Variants in KYAT3 observed in about 807,000 individuals in gnomAD.
KYAT3 encodes kynurenine aminotransferase 3.
KYAT3 carries 50 observed loss-of-function variants against 59.0 expected under a neutral mutation model. The observed-to-expected ratio is 0.85, with a 90% CI of 0.68 to 1.07. The LOEUF (loss-of-function observed/expected upper bound fraction) is 1.07, where lower values mean the gene tolerates loss of function less well. Among genes scored for constraint, KYAT3 ranks in the 50% least tolerant of loss-of-function variants. KYAT3 has a pLI of 0.00. For synonymous variants in KYAT3, 148 were observed against 177.0 expected, an observed-to-expected ratio of 0.84 and a Z score of 1.30; for missense variants, 497 against 533.3, an observed-to-expected ratio of 0.93 and a Z score of 0.67.
At chr1:88,983,789 C>G in intron 2 of KYAT3, 1 of 1,613,984 alleles carries the variant, frequency 6.2e-7, no homozygotes, top group Non-Finnish European at 8.5e-7. Flanking sequence ...ATTAAGCCCA[C>G]CAATGAAGAG....
rs750023345 is a variant in KYAT3, at chr1:88,982,997, C to T, written c.99+5255G>A. On this transcript the variant is annotated intron_variant, in intron 2 of 13. Transcript: ENST00000260508. Reference sequence around the variant, plus strand: ...ATATGAATCTCTGTAGGAACCTCCACTTGGATGATCTGAATAGTCACGATC... The same window carrying T: ...ATATGAATCTCTGTAGGAACCTCCATTTGGATGATCTGAATAGTCACGATC... 6.8e-6 allele frequency: 11 copies of T among 1,613,180 alleles called. No homozygotes were observed. In the African/African-American group the frequency reaches 1.1e-4, roughly 16 times the overall value.
chr1:88,976,605 C>G (rs1676798118), intron 2 of KYAT3, among the ~76,000 whole-genome samples: 1 of 152,078 alleles, frequency 6.6e-6, no homozygotes, highest in Admixed American at 6.5e-5. Flanking sequence ...TGTACCCTTA[C>G]TTATTAAAAA....
In KYAT3 at chr1:88,949,238, T is replaced by G. The variant is rs527950397; in HGVS notation, c.994A>C (p.Met332Leu). 6 of 1,587,310 alleles carry G rather than the reference T, an allele frequency of 3.8e-6. No homozygotes were observed. In the South Asian group the frequency reaches 5.9e-5, roughly 15 times the overall value. The change falls in exon 11 of 14, where the codon ATG (methionine) becomes CTG (leucine). Residue 332 changes from methionine (M) to leucine (L), a missense_variant. Physicochemically the swap from Met to Leu is conservative, Grantham distance 15 (BLOSUM62 2). Coordinates refer to ENST00000260508, the MANE Select transcript of KYAT3 (RefSeq NM_001008661.3). ...TTAAAGTAACATTCTGGGTCATCCA[T>G]GCGCTTGATGTCAATCCAGAAAGCT... ...AQAFWIDIKR[M>L]DDPECYFNSL...
downstream of KYAT3, among the ~76,000 whole-genome samples, chr1:88,932,119 C>T (rs911877869): frequency 6.6e-6 from 1 of 152,272 alleles, no homozygotes; most frequent in East Asian, 1.9e-4. Flanking sequence ...TCAATGATCA[C>T]AGCACTTGAT....
At chr1:88,974,846 G>C (rs1434449870) in intron 2 of KYAT3, among the ~76,000 whole-genome samples, 1 of 151,722 alleles carries the variant, frequency 6.6e-6, no homozygotes, top group African/African-American at 2.4e-5. Flanking sequence ...TTAGCACTCT[G>C]TAAAATGGAC....
downstream of KYAT3, among the ~76,000 whole-genome samples, chr1:88,932,367 A>C (rs1674927188): frequency 6.6e-6 from 1 of 152,202 alleles, no homozygotes; most frequent in Non-Finnish European, 1.5e-5. Context: ...TACTGTATGA[A>C]TATGCCCCCT....
At chr1:88,946,011 T>G (rs1675428113) in intron 11 of KYAT3, among the ~76,000 whole-genome samples, 1 of 152,178 alleles carries the variant, frequency 6.6e-6, no homozygotes, top group African/African-American at 2.4e-5. Flanking sequence ...GCATATAGAA[T>G]GGATTGACTG....
the KYAT3 span, among the ~76,000 whole-genome samples, chr1:88,921,641 C>T: frequency 4.6e-5 from 7 of 152,094 alleles, no homozygotes; most frequent in African/African-American, 1.2e-4. Flanking sequence ...CAGGGTTCTC[C>T]AGAGAAATAG....
At chr1:88,975,770 C>T (rs1303114994) in intron 2 of KYAT3, among the ~76,000 whole-genome samples, 1 of 152,208 alleles carries the variant, frequency 6.6e-6, no homozygotes, top group Non-Finnish European at 1.5e-5. Context: ...CATGGTGGCT[C>T]ATGCCTGTAG....
chr1:88,984,537 G>A (rs1677331162), intron 2 of KYAT3, among the ~76,000 whole-genome samples: 1 of 152,120 alleles, frequency 6.6e-6, no homozygotes, highest in East Asian at 1.9e-4. Context: ...ACAACATATA[G>A]TTTGTTACTT....
rs190600720 is a variant in KYAT3, at chr1:88,959,545, C to T, written c.787+1622G>A. ...CTGAGATCGCACCACTGCACTCCAT[C>T]CTGGGCAACAGAGCAAGACTCTGTC... On this transcript the variant is annotated intron_variant, in intron 8 of 13. Transcript: ENST00000260508. Among the ~76,000 whole-genome samples, 427 of 143,542 alleles carry T rather than the reference C, an allele frequency of 3.0e-3. 2 individuals are homozygous for T. Among genetic ancestry groups the T allele is most frequent in the African/African-American group, 0.01 (398 of 38,786 alleles). The allele number at this position is 143,542 out of a possible 152,430, so 94.2% of individuals were successfully genotyped here. A position where few individuals can be genotyped will look rare whatever the true frequency, so the allele number is the denominator to read the frequency against.
intron 8 of KYAT3, among the ~76,000 whole-genome samples, chr1:88,956,235 A>C (rs1372115806): frequency 1.3e-5 from 2 of 152,200 alleles, no homozygotes; most frequent in African/African-American, 4.8e-5. Flanking sequence ...ATTGAAACAG[A>C]AGCATAATGT....
chr1:88,950,899 T>A (rs575308146), intron 10 of KYAT3, among the ~76,000 whole-genome samples: 2 of 152,218 alleles, frequency 1.3e-5, no homozygotes, highest in Admixed American at 6.5e-5. Context: ...CCCAGCTCCA[T>A]TGGACTCCCA....
chr1:88,938,609 C>A (rs1675124565), intron 13 of KYAT3, among the ~76,000 whole-genome samples: 1 of 152,122 alleles, frequency 6.6e-6, no homozygotes, highest in Non-Finnish European at 1.5e-5. Flanking sequence ...TTATTTTTGG[C>A]TCCACTTATA....
chr1:88,975,611 A>T (rs1676754730), intron 2 of KYAT3, among the ~76,000 whole-genome samples: 1 of 152,250 alleles, frequency 6.6e-6, no homozygotes, highest in Admixed American at 6.5e-5. Context: ...GGTTCTATCA[A>T]ACTAAACACA....
intron 8 of KYAT3, 135 bp from the exon 9 acceptor site, chr1:88,955,360 G>GTT (rs200621884): frequency 3.0e-4 from 142 of 478,478 alleles, no homozygotes; most frequent in Middle Eastern, 8.1e-4. Flanking sequence ...GTTATTTCTA[G>GTT]TTTTTTTTTT....
chr1:88,983,544 C>T lies in KYAT3; in HGVS notation c.99+4708G>A, dbSNP rs759583352. ...CTACTTCTTGGAGGTGGGGGCGGTC[C>T]ATGTCTACCTCTTTCAAATGATGGT... On this transcript the variant is annotated intron_variant, in intron 2 of 13. Transcript: ENST00000260508. 91 of 1,614,086 alleles carry T rather than the reference C, an allele frequency of 5.6e-5. No individual in the cohort carries two copies. The highest frequency in any genetic ancestry group is 7.5e-5 in the Non-Finnish European group (89 of 1,180,056).
downstream of KYAT3, among the ~76,000 whole-genome samples, chr1:88,931,787 C>T (rs1051734576): frequency 5.1e-5 from 7 of 136,296 alleles, 1 homozygote; most frequent in Admixed American, 2.5e-4. Flanking sequence ...GGACAATGAT[C>T]GGGATGTAAA....
chr1:88,988,555 T>C, intron 1 of KYAT3, among the ~76,000 whole-genome samples: 1 of 152,344 alleles, frequency 6.6e-6, no homozygotes, highest in Non-Finnish European at 1.5e-5. Flanking sequence ...GTATTCTTCC[T>C]ACACAAATTT....
Sources: gnomAD v4.1 joint callset for allele counts (sites outside exome capture counted in the v4.1 genomes callset) on GRCh38, gnomAD v4.1.1 for gene constraint, MANE v1.5 for transcripts, NCBI Gene and HGNC (gene_info 2026-07-23, HGNC 2026-07-21) for gene names.